Variants in SFSWAP observed in about 807,000 individuals in gnomAD.
SFSWAP encodes splicing factor SWAP.
A neutral mutation model predicts 100.7 loss-of-function variants in SFSWAP; 17 were observed. The ratio of observed to expected loss-of-function variants is 0.17; its 90% CI spans 0.12 to 0.25. The LOEUF (loss-of-function observed/expected upper bound fraction) is 0.25. SFSWAP is among the 10% of genes least tolerant of loss of function. SFSWAP has a pLI of 1.00. For missense variants in SFSWAP, 1,005 were observed against 1,262.6 expected (o/e 0.80, Z 3.09); for synonymous variants, 504 against 510.1 (o/e 0.99, Z 0.16).
rs1340700727 is a variant in SFSWAP, at chr12:131,764,376, C to T, written c.1721-80C>T. On this transcript the variant is annotated intron_variant, in intron 11 of 17. Coordinates refer to ENST00000261674, the MANE Select transcript of SFSWAP (RefSeq NM_004592.4). ...ATGCTAGTCATCCCCTTCCCAGCAG[C>T]CGATGCTCAGGTGGGTAGCAGGGCC... The T allele has an allele frequency of 6.3e-6, 7 of 1,104,810 alleles. No homozygotes were observed. The African/African-American group carries it at 9.3e-5, about 15-fold the overall frequency. 68.4% of individuals were successfully genotyped at this position (1,104,810 alleles called of 1,614,324 possible).
At chr12:131,790,300 C>G (rs553021582) in intron 15 of SFSWAP, among the ~76,000 whole-genome samples, 10 of 152,168 alleles carry the variant, frequency 6.6e-5, no homozygotes, top group Admixed American at 2.0e-4. Flanking sequence ...TGCATTCTTG[C>G]GTTTGGTACA....
At chr12:131,779,511 C>T (rs917713607) in intron 14 of SFSWAP, among the ~76,000 whole-genome samples, 2 of 152,198 alleles carry the variant, frequency 1.3e-5, no homozygotes, top group Non-Finnish European at 2.9e-5. Flanking sequence ...GGCTGACCTA[C>T]AGGAGGTTGG....
intron 7 of SFSWAP, among the ~76,000 whole-genome samples, chr12:131,740,958 T>A (rs1566019604): frequency 7.8e-6 from 1 of 128,980 alleles, no homozygotes; most frequent in Non-Finnish European, 1.6e-5. Flanking sequence ...TTTTTTTTTC[T>A]TTTTTTTCTT....
chr12:131,794,800 G>C lies in SFSWAP; in HGVS notation c.2535-2378G>C, dbSNP rs570011006. 2.6e-5 allele frequency among the ~76,000 whole-genome samples: 4 copies of C among 152,322 alleles called. No homozygotes were observed. The highest frequency in any genetic ancestry group is 9.6e-5 in the African/African-American group (4 of 41,576). ...ACCGAGGACAGCGTTTCACCCAATGGACAGTGGCACCTCGGTGCTTTAAAA... is the reference window on the plus strand; with the variant it reads ...ACCGAGGACAGCGTTTCACCCAATGCACAGTGGCACCTCGGTGCTTTAAAA... On this transcript the variant is annotated intron_variant, in intron 15 of 17. Transcript: ENST00000261674. The surrounding 1 kb of genome is among the most constrained non-coding windows in gnomAD (Gnocchi z 4.8).
At chr12:131,720,783 C>G (rs1267597954) in intron 4 of SFSWAP, among the ~76,000 whole-genome samples, 1 of 152,124 alleles carries the variant, frequency 6.6e-6, no homozygotes. Context: ...CCTTCTCTTC[C>G]CTTATTCATT....
At chr12:131,741,158 G>C (rs1345347125) in intron 7 of SFSWAP, among the ~76,000 whole-genome samples, 1 of 151,636 alleles carries the variant, frequency 6.6e-6, no homozygotes, top group African/African-American at 2.4e-5. Flanking sequence ...TTTTAGTAGA[G>C]ACAGGGTTTC....
chr12:131,788,736 C>G (rs1885060422), intron 15 of SFSWAP, among the ~76,000 whole-genome samples: 1 of 152,040 alleles, frequency 6.6e-6, no homozygotes, highest in East Asian at 1.9e-4. Flanking sequence ...CTGCCTCAAC[C>G]TCCAAAAGTA....
chr12:131,778,269 A>G lies in SFSWAP; in HGVS notation c.2347A>G (p.Arg783Gly). 6.2e-7 allele frequency: 1 copy of G among 1,614,216 alleles called. No individual in the cohort carries two copies. Among genetic ancestry groups the G allele is most frequent in the Non-Finnish European group, 8.5e-7 (1 of 1,180,044 alleles). Residue 783 changes from arginine to glycine, a missense_variant, in exon 14 of 18, where the codon AGA becomes GGA. Physicochemically the swap from Arg to Gly is moderately radical, Grantham distance 125. Around this residue, in one of 7 missense-constraint regions of SFSWAP, gnomAD observed 295 missense variants for 347.9 expected, o/e 0.85. Transcript: ENST00000261674. This position sits in a 1 kb window ranked among gnomAD's most constrained non-coding sequence, Gnocchi z 4.2. ...CCATTCGTCATCCAAGTCCAGGTCTAGATCACACTCAAAAGCAAAGCATTC... is the reference window on the plus strand; with the variant it reads ...CCATTCGTCATCCAAGTCCAGGTCTGGATCACACTCAAAAGCAAAGCATTC... Reference protein sequence around the residue: ...KYHSSSKSRSRSHSKAKHSLP... With the variant: ...KYHSSSKSRSGSHSKAKHSLP...
chr12:131,712,443 G>C (rs1315035867), intron 1 of SFSWAP: 2 of 151,892 alleles, frequency 1.3e-5, no homozygotes, highest in Admixed American at 6.6e-5. Flanking sequence ...CTACTTCTGG[G>C]GCCCGGACTG....
chr12:131,724,670 G>C (rs922712541), intron 4 of SFSWAP, among the ~76,000 whole-genome samples: 1 of 152,250 alleles, frequency 6.6e-6, no homozygotes, highest in African/African-American at 2.4e-5. Context: ...TTTGTGGGCA[G>C]GAAATGCTAA....
intron 15 of SFSWAP, among the ~76,000 whole-genome samples, chr12:131,793,673 C>T (rs760460164): frequency 1.3e-5 from 2 of 151,972 alleles, no homozygotes; most frequent in Non-Finnish European, 2.9e-5. Flanking sequence ...ATAGGCAGGC[C>T]GCAGGCTTTG....
At chr12:131,742,399 TTA>T (rs1000440730) in intron 7 of SFSWAP, among the ~76,000 whole-genome samples, 17 of 152,304 alleles carry the variant, frequency 1.1e-4, no homozygotes, top group African/African-American at 4.1e-4. Context: ...AAATGGTAAG[TTA>T]TGTTTAGAGA....
At chr12:131,767,689 C>T (rs750547734) in intron 13 of SFSWAP, among the ~76,000 whole-genome samples, 4 of 152,176 alleles carry the variant, frequency 2.6e-5, no homozygotes, top group Non-Finnish European at 5.9e-5. Context: ...TAAAATCTTT[C>T]TCAACCTAAT....
In SFSWAP at chr12:131,728,380, G is replaced by A. The variant is rs139185938; in HGVS notation, c.1033G>A (p.Ala345Thr). 5.0e-5 allele frequency: 81 copies of A among 1,614,072 alleles called. No homozygotes were observed. The highest frequency in any genetic ancestry group is 2.0e-4 in the African/African-American group (15 of 74,932). ...CAGTTCCACTCCCACCCCACACAAC[G>A]CAGACGGTGCGCCTGTGCAGCCCTC... ...ADSSTPTPHN[A>T]DGAPVQPSQV... The change falls in exon 7 of 18, where the codon GCA becomes ACA. Residue 345 changes from alanine to threonine, a missense_variant. Physicochemically the swap from Ala to Thr is moderately conservative, Grantham distance 58 (BLOSUM62 0). Transcript: ENST00000261674.
chr12:131,792,164 ACCCG>A (rs1885289385), intron 15 of SFSWAP, among the ~76,000 whole-genome samples: 1 of 137,154 alleles, frequency 7.3e-6, no homozygotes. Context: ...CTGTGTGTGC[ACCCG>A]TGTGTGTTCA....
intron 13 of SFSWAP, among the ~76,000 whole-genome samples, chr12:131,768,346 T>A (rs138609676): frequency 1.3e-5 from 2 of 152,390 alleles, no homozygotes; most frequent in African/African-American, 4.8e-5. Context: ...AGGGCCATTA[T>A]TGAAAACTGA....
At chr12:131,792,312 G>A (rs1193238861) in intron 15 of SFSWAP, among the ~76,000 whole-genome samples, 1 of 151,218 alleles carries the variant, frequency 6.6e-6, no homozygotes, top group African/African-American at 2.4e-5. Context: ...GCACCCGTGT[G>A]TGTTCACAGA....
chr12:131,719,425 C>G, intron 3 of SFSWAP, 29 bp from the exon 4 acceptor site: 5 of 1,586,100 alleles, frequency 3.2e-6, no homozygotes, highest in Non-Finnish European at 4.3e-6. Context: ...CTGCATTGTT[C>G]TGAATTTTTT....
chr12:131,758,232 GC>G (rs1566033878), intron 11 of SFSWAP, among the ~76,000 whole-genome samples: 2 of 152,122 alleles, frequency 1.3e-5, no homozygotes, highest in Admixed American at 6.5e-5. Context: ...TGTGGGGCCC[GC>G]AGAGGAGCAG....
Sources: gnomAD v4.1 joint callset for allele counts (sites outside exome capture counted in the v4.1 genomes callset) on GRCh38, gnomAD v4.1.1 for gene constraint, gnomAD v4.1.1 regional missense constraint, Gnocchi (gnomAD v3.1) non-coding constraint, MANE v1.5 for transcripts, NCBI Gene and HGNC (gene_info 2026-07-23, HGNC 2026-07-21) for gene names.